The following LMBRD1 variants were observed in gnomAD, a reference collection of about 807,000 sequenced individuals.
LMBRD1 encodes the protein lysosomal cobalamin transport escort protein LMBD1.
In LMBRD1, 64 loss-of-function variants were observed where a neutral mutation model predicts 74.8. The ratio of observed to expected loss-of-function variants is 0.86; its 90% CI spans 0.70 to 1.05. The LOEUF (loss-of-function observed/expected upper bound fraction) is 1.05, where lower values mean the gene tolerates loss of function less well. Ranked by LOEUF, LMBRD1 falls within the 50% of genes least tolerant of loss-of-function variation. LMBRD1 has a pLI of 0.00. For synonymous variants in LMBRD1, 204 were observed against 216.3 expected (o/e 0.94, Z 0.50); for missense variants, 652 against 645.9 (o/e 1.01, Z -0.10).
rs1215158816 is a variant in LMBRD1 at position 69,674,138 on chromosome 6, A to G, written c.*2020T>C. ...TTGCAGACCACTGCCTTCTCATTGC[A>G]TCCTCACATGGCCTCTTCTTTGTAC... On this transcript the variant is annotated 3_prime_UTR_variant, in exon 16 of 16. Transcript: ENST00000649934. 1.3e-5 allele frequency among the ~76,000 whole-genome samples: 2 copies of G among 152,182 alleles called. No individual in the cohort carries two copies. The highest frequency in any genetic ancestry group is 2.4e-5 in the African/African-American group (1 of 41,458).
At chr6:69,791,413 C>T (rs976609409) in intron 1 of LMBRD1, among the ~76,000 whole-genome samples, 3 of 152,190 alleles carry the variant, frequency 2.0e-5, no homozygotes, top group Non-Finnish European at 4.4e-5. Context: ...GTCAGAATCA[C>T]CTGGGTAACT....
intron 3 of LMBRD1, among the ~76,000 whole-genome samples, chr6:69,756,239 C>T (rs7755920): frequency 0.36 from 54,777 of 151,580 alleles, 10,476 homozygotes; most frequent in East Asian, 0.55. Flanking sequence ...GGCAAGCACC[C>T]GTAATCCCAG....
intron 5 of LMBRD1, among the ~76,000 whole-genome samples, chr6:69,749,012 C>A (rs1333195321): frequency 6.6e-6 from 1 of 151,964 alleles, no homozygotes; most frequent in Non-Finnish European, 1.5e-5. Context: ...GCTACACTTA[C>A]TATCCTGCAG....
rs1766550354 is a variant in LMBRD1, at chr6:69,718,871, G to T, written c.762+85C>A. 5 of 1,431,642 alleles carry T rather than the reference G, an allele frequency of 3.5e-6. No homozygotes were observed. The South Asian group carries it at 4.6e-5, about 13-fold the overall frequency. 88.7% of individuals were successfully genotyped at this position (1,431,642 alleles called of 1,614,324 possible). A position where few individuals can be genotyped will look rare whatever the true frequency, so the allele number is the denominator to read the frequency against. The stretch of plus-strand genomic sequence containing the variant: ...TTCAAACAATGTAAAAAGTTATGGG[G>T]TTGACAATGTCTAAGTCATATCAGA... On this transcript the variant is annotated intron_variant, in intron 8 of 15. Transcript: ENST00000649934.
rs199859156 is a variant in LMBRD1, at chr6:69,691,147, C to T, written c.1417+6416G>A. Among the ~76,000 whole-genome samples, 188 of 138,522 alleles carry T rather than the reference C, an allele frequency of 1.4e-3. 5 individuals are homozygous for T. Among genetic ancestry groups the T allele is most frequent in the Admixed American group, 2.4e-3 (34 of 13,938 alleles). The allele number at this position is 138,522 out of a possible 152,430, so 90.9% of individuals were successfully genotyped here. On this transcript the variant is annotated intron_variant, in intron 14 of 15. Coordinates refer to ENST00000649934, the MANE Select transcript of LMBRD1 (RefSeq NM_018368.4). Reference sequence around the variant, plus strand: ...TAAAAAGCAGCAACGGCCTCTCTCTCTCTTTTTTTTTTTAACAATTTAAAG... The same window carrying T: ...TAAAAAGCAGCAACGGCCTCTCTCTTTCTTTTTTTTTTTAACAATTTAAAG...
At chr6:69,750,178 C>T (rs1365734099) in intron 4 of LMBRD1, among the ~76,000 whole-genome samples, 2 of 149,948 alleles carry the variant, frequency 1.3e-5, no homozygotes, top group African/African-American at 4.9e-5. Context: ...ATATCTTATA[C>T]ATATATAACA....
intron 14 of LMBRD1, among the ~76,000 whole-genome samples, chr6:69,684,861 A>G (rs937832315): frequency 6.6e-6 from 1 of 152,194 alleles, no homozygotes; most frequent in African/African-American, 2.4e-5. Flanking sequence ...TAAAGTGAGC[A>G]AGAAGCTAGA....
chr6:69,773,719 A>G (rs182963947), intron 3 of LMBRD1, among the ~76,000 whole-genome samples: 198 of 152,370 alleles, frequency 1.3e-3, no homozygotes, highest in Non-Finnish European at 1.9e-3. Flanking sequence ...CATCCATACA[A>G]TGGAAAACAA....
chr6:69,754,033 C>T (rs760912386), intron 3 of LMBRD1, among the ~76,000 whole-genome samples: 42 of 151,758 alleles, frequency 2.8e-4, no homozygotes, highest in Middle Eastern at 3.4e-3. Context: ...GTGAAATAAG[C>T]CAGTCACAAA....
intron 3 of LMBRD1, among the ~76,000 whole-genome samples, chr6:69,769,258 T>C (rs1323563527): frequency 6.6e-6 from 1 of 152,178 alleles, no homozygotes; most frequent in African/African-American, 2.4e-5. Flanking sequence ...ACTGCTTCTT[T>C]CTTCTGTCAT....
At chr6:69,713,594 TAC>T in intron 9 of LMBRD1, 49 bp downstream of exon 9, 1 of 1,581,924 alleles carries the variant, frequency 6.3e-7, no homozygotes, top group Non-Finnish European at 8.7e-7. Context: ...CAAGAGGTAC[TAC>T]ATAAACTTGG....
intron 3 of LMBRD1, among the ~76,000 whole-genome samples, chr6:69,762,623 C>T (rs995967446): frequency 6.6e-6 from 1 of 152,054 alleles, no homozygotes; most frequent in Admixed American, 6.6e-5. Flanking sequence ...TTGGTGTCCC[C>T]GTAAAATCCA....
At position 69,705,030 on chromosome 6, in the gene LMBRD1, T is replaced by C. The variant is rs575578666; in HGVS notation, c.916-3077A>G. Reference sequence around the variant, plus strand: ...TATTTTTGTCTCCCCACCATTTCCATGTCTGACCACCACTACTACTATGTC... The same window carrying C: ...TATTTTTGTCTCCCCACCATTTCCACGTCTGACCACCACTACTACTATGTC... On this transcript the variant is annotated intron_variant, in intron 9 of 15. Transcript: ENST00000649934. Among the ~76,000 whole-genome samples the C allele has an allele frequency of 1.2e-4, 19 of 152,176 alleles. 2 individuals are homozygous for C. In the South Asian group the frequency reaches 3.9e-3, roughly 32 times the overall value.
At chr6:69,698,964 CCAT>C in intron 13 of LMBRD1, 76 bp downstream of exon 13, 1 of 948,564 alleles carries the variant, frequency 1.1e-6, no homozygotes, top group Admixed American at 1.9e-5. Context: ...CTTATGCTAA[CCAT>C]CACAATTAAA....
intron 9 of LMBRD1, among the ~76,000 whole-genome samples, chr6:69,708,673 A>G (rs1268196719): frequency 6.6e-6 from 1 of 152,080 alleles, no homozygotes; most frequent in Non-Finnish European, 1.5e-5. Context: ...ATCCTCTACT[A>G]ATTTTAAAAA....
At chr6:69,713,818 TAA>T in intron 8 of LMBRD1, 21 bp from the exon 9 acceptor site, 1 of 1,612,778 alleles carries the variant, frequency 6.2e-7, no homozygotes, top group Non-Finnish European at 8.5e-7. Context: ...CAGAACAAAA[TAA>T]AAGTTTTACC....
At chr6:69,759,955 AT>A (rs1765342041) in intron 3 of LMBRD1, among the ~76,000 whole-genome samples, 1 of 152,176 alleles carries the variant, frequency 6.6e-6, no homozygotes, top group Non-Finnish European at 1.5e-5. Context: ...GTGAACTCTC[AT>A]TTCACACTCA....
intron 9 of LMBRD1, among the ~76,000 whole-genome samples, chr6:69,712,402 A>G (rs923651084): frequency 6.6e-5 from 10 of 151,998 alleles, no homozygotes; most frequent in Non-Finnish European, 1.3e-4. Flanking sequence ...AACATAATCT[A>G]ACAATGAGGC....
intron 14 of LMBRD1, among the ~76,000 whole-genome samples, chr6:69,688,396 G>A (rs1038904856): frequency 2.8e-5 from 4 of 140,798 alleles, no homozygotes; most frequent in African/African-American, 9.9e-5. Context: ...AGTTTGAAGG[G>A]CAGAGATTTT....
Sources: gnomAD v4.1 joint callset for allele counts (sites outside exome capture counted in the v4.1 genomes callset) on GRCh38, gnomAD v4.1.1 for gene constraint, MANE v1.5 for transcripts, NCBI Gene and HGNC (gene_info 2026-07-23, HGNC 2026-07-21) for gene names.